HEG1: variants seen among roughly 807,000 people sequenced by gnomAD.
The protein encoded by HEG1 is heart development protein with EGF like domains 1.
A neutral mutation model predicts 125.6 loss-of-function variants in HEG1; 56 were observed. That is an observed-to-expected ratio of 0.45 (90% CI 0.36 to 0.56). The LOEUF is 0.56. Among genes scored for constraint, HEG1 ranks in the 20% least tolerant of loss-of-function variants. The pLI is 0.00. For synonymous variants in HEG1, 644 were observed against 668.5 expected, an observed-to-expected ratio of 0.96 and a Z score of 0.57; for missense variants, 1,523 against 1,670.0, an observed-to-expected ratio of 0.91 and a Z score of 1.53.
At chr3:125,046,027 A>G (rs1330765334) in intron 1 of HEG1, among the ~76,000 whole-genome samples, 1 of 152,094 alleles carries the variant, frequency 6.6e-6, no homozygotes, top group Non-Finnish European at 1.5e-5. Context: ...GAAAGTCTTT[A>G]TTATCCTCAT....
At chr3:125,019,800 T>C (rs1312128552) in intron 4 of HEG1, among the ~76,000 whole-genome samples, 4 of 152,216 alleles carry the variant, frequency 2.6e-5, no homozygotes, top group African/African-American at 9.6e-5. Context: ...CAAAAAAATA[T>C]AACTTGTTGA....
chr3:124,989,413 G>A (rs1047605011), intron 14 of HEG1, among the ~76,000 whole-genome samples: 1 of 152,092 alleles, frequency 6.6e-6, no homozygotes, highest in African/African-American at 2.4e-5. Flanking sequence ...TAGTCCACTG[G>A]CACATTTGTC....
Position 124,971,075 on chromosome 3 carries a change from G to A in HEG1, c.3997-274C>T. ...AGGTCCTACGACCATCTAGTTGCAG[G>A]TGGAGTTAGGACCCCAAACCAGGAG... On this transcript the variant is annotated intron_variant, in intron 16 of 16. Transcript: ENST00000311127. 7.3e-6 allele frequency: 4 copies of A among 545,710 alleles called. 1 individual carries two copies. Among genetic ancestry groups the A allele is most frequent in the South Asian group, 6.1e-5 (4 of 65,176 alleles). 33.8% of individuals were successfully genotyped at this position (545,710 alleles called of 1,614,324 possible).
intron 12 of HEG1, among the ~76,000 whole-genome samples, chr3:124,996,030 A>G (rs1936916480): frequency 6.6e-6 from 1 of 151,872 alleles, no homozygotes; most frequent in Non-Finnish European, 1.5e-5. Context: ...ACAGCGCCCC[A>G]ACACACATGG....
intron 3 of HEG1, among the ~76,000 whole-genome samples, chr3:125,023,916 C>T (rs1186776100): frequency 6.6e-6 from 1 of 152,212 alleles, no homozygotes; most frequent in African/African-American, 2.4e-5. Context: ...CACATCGGAA[C>T]GCTCAACCTT....
At position 125,013,154 on chromosome 3, in the gene HEG1, C is replaced by A; in HGVS notation, c.2425G>T (p.Val809Leu). The change falls in exon 6 of 17, where the codon GTA (valine) becomes TTA (leucine). Residue 809 changes from valine to leucine, a missense_variant. Transcript: ENST00000311127. The stretch of plus-strand genomic sequence containing the variant: ...GGAGGCAAAGGAGAGTTTGTTGTTA[C>A]AGCTTTGGTGGACTCTGTGGGCAGA... ...VSLPTESTKAVTTNSPLPPSL... is the reference protein window; with the variant it reads ...VSLPTESTKALTTNSPLPPSL... 6.2e-7 allele frequency: 1 copy of A among 1,614,018 alleles called. No homozygotes were observed.
At position 125,013,703 on chromosome 3, in the gene HEG1, G is replaced by A. The variant is rs1408864641; in HGVS notation, c.1876C>T (p.Pro626Ser). The change falls in exon 6 of 17, where the codon CCA (proline) becomes TCA (serine). Residue 626 changes from proline (P) to serine (S), a missense_variant. By Grantham distance (74) the Pro-to-Ser change is moderately conservative. Coordinates refer to ENST00000311127, the MANE Select transcript of HEG1 (RefSeq NM_020733.2). The part of the protein sequence containing the change: ...GEYAQPSTES[P>S]VLHTSNLPSY... Reference sequence around the variant, plus strand: ...GGAAGGTTGGATGTATGCAGAACTGGCGACTCAGTAGAAGGCTGAGCATAT... The same window carrying A: ...GGAAGGTTGGATGTATGCAGAACTGACGACTCAGTAGAAGGCTGAGCATAT... 1 of 1,613,942 alleles carries A rather than the reference G, an allele frequency of 6.2e-7. No homozygotes were observed.
At chr3:125,054,210 G>C (rs888727379) in intron 1 of HEG1, among the ~76,000 whole-genome samples, 1 of 152,244 alleles carries the variant, frequency 6.6e-6, no homozygotes, top group Non-Finnish European at 1.5e-5. Context: ...GCAAAACAGC[G>C]TATGCTGTAA....
chr3:125,048,353 C>T (rs79165920), intron 1 of HEG1, among the ~76,000 whole-genome samples: 6 of 152,342 alleles, frequency 3.9e-5, no homozygotes, highest in Non-Finnish European at 8.8e-5. Context: ...AGAGGAAAAT[C>T]GACCTCCTTA....
At position 125,029,500 on chromosome 3, in the gene HEG1, A is replaced by G. The variant is rs762160055; in HGVS notation, c.317-12T>C. 3.0e-5 allele frequency: 47 copies of G among 1,590,632 alleles called. No individual in the cohort carries two copies. The highest frequency in any genetic ancestry group is 3.7e-5 in the Non-Finnish European group (43 of 1,173,252). On this transcript the variant is annotated splice_polypyrimidine_tract_variant and intron_variant, in intron 1 of 16. Transcript: ENST00000311127. ...TTTCCAGGCAGCATCTGAAAGAAGAAGAGGATGCATCAGGGAGAGTTTGCT... is the reference window on the plus strand; with the variant it reads ...TTTCCAGGCAGCATCTGAAAGAAGAGGAGGATGCATCAGGGAGAGTTTGCT...
chr3:125,039,978 G>T (rs1018327745), intron 1 of HEG1, among the ~76,000 whole-genome samples: 1 of 152,170 alleles, frequency 6.6e-6, no homozygotes, highest in African/African-American at 2.4e-5. Flanking sequence ...AGACAGACTT[G>T]ATTTGACAAC....
chr3:125,017,663 G>T (rs1383510600), intron 5 of HEG1, among the ~76,000 whole-genome samples: 1 of 152,096 alleles, frequency 6.6e-6, no homozygotes, highest in African/African-American at 2.4e-5. Context: ...AAAGAGTTCG[G>T]CAGTTCCTCA....
intron 16 of HEG1, chr3:124,971,858 T>C (rs1190045155): frequency 1.4e-5 from 2 of 143,248 alleles, no homozygotes; most frequent in African/African-American, 2.6e-5. Flanking sequence ...GCACAAACAC[T>C]GTTCACTGTA....
At chr3:124,979,237 C>T (rs571021761) in intron 14 of HEG1, among the ~76,000 whole-genome samples, 2 of 152,242 alleles carry the variant, frequency 1.3e-5, no homozygotes, top group Admixed American at 6.5e-5. Context: ...CAGGCTTGAG[C>T]CACCATGCCT....
intron 1 of HEG1, among the ~76,000 whole-genome samples, chr3:125,051,574 A>G (rs539180377): frequency 1.3e-5 from 2 of 152,360 alleles, no homozygotes; most frequent in East Asian, 3.9e-4. Context: ...TGAGGATTAA[A>G]TGGATAAGGA....
At chr3:125,025,338 A>G (rs1937400796) in intron 3 of HEG1, among the ~76,000 whole-genome samples, 1 of 152,204 alleles carries the variant, frequency 6.6e-6, no homozygotes, top group South Asian at 2.1e-4. Context: ...TGAGAACCCC[A>G]TTTAACAGCA....
chr3:124,970,711 G>A lies in HEG1; in HGVS notation c.4087C>T (p.Pro1363Ser), dbSNP rs1303633772. Reference sequence around the variant, plus strand: ...ATGAAAGACGGGTTATACTGTCCGGGGAAAATGCAAGAATGCCGTGATCCT... The same window carrying A: ...ATGAAAGACGGGTTATACTGTCCGGAGAAAATGCAAGAATGCCGTGATCCT... ...LPGSRHSCIF[P>S]GQYNPSFISD... The change falls in exon 17 of 17, where the codon CCC (proline) becomes TCC (serine). Residue 1363 changes from proline (P) to serine (S), a missense_variant. Physicochemically the swap from Pro to Ser is moderately conservative, Grantham distance 74. Coordinates refer to ENST00000311127, the MANE Select transcript of HEG1 (RefSeq NM_020733.2). 1 of 1,609,468 alleles carries A rather than the reference G, an allele frequency of 6.2e-7. No individual in the cohort carries two copies. The highest frequency in any genetic ancestry group is 8.5e-7 in the Non-Finnish European group (1 of 1,178,012).
At chr3:124,973,942 G>A (rs775377404) in intron 15 of HEG1, 37 bp from the exon 16 acceptor site, 6 of 1,383,948 alleles carry the variant, frequency 4.3e-6, no homozygotes, top group South Asian at 1.2e-5. Context: ...GCTCAATTCC[G>A]TAAAGAAGTG....
At chr3:125,002,615 G>A (rs957008525) in intron 9 of HEG1, among the ~76,000 whole-genome samples, 2 of 152,106 alleles carry the variant, frequency 1.3e-5, no homozygotes, top group Admixed American at 1.3e-4. Context: ...CTCTTTTAAG[G>A]CCCAGGGTTT....
Sources: allele counts gnomAD v4.1 joint callset (sites outside exome capture counted in the v4.1 genomes callset), GRCh38; gene constraint gnomAD v4.1.1; transcripts MANE v1.5; gene names NCBI Gene and HGNC (gene_info 2026-07-23, HGNC 2026-07-21).